Variants in ELMOD1 observed in about 807,000 individuals in gnomAD.
ELMOD1 encodes the protein ELMO domain containing 1.
ELMOD1 carries 21 observed loss-of-function variants against 46.7 expected under a neutral mutation model. The observed-to-expected ratio is 0.45, with a 90% CI of 0.32 to 0.65. The LOEUF is 0.65. ELMOD1 is among the 30% of genes least tolerant of loss of function. ELMOD1 has a pLI of 0.04. For missense variants in ELMOD1, 348 were observed against 407.8 expected (o/e 0.85, Z 1.26); for synonymous variants, 122 against 138.2 (o/e 0.88, Z 0.82).
rs558465894 is a variant in ELMOD1, at chr11:107,641,868, A to G, written c.421-5600A>G. 2.0e-5 allele frequency among the ~76,000 whole-genome samples: 3 copies of G among 151,970 alleles called. No individual in the cohort carries two copies. In the South Asian group the frequency reaches 6.2e-4, roughly 32 times the overall value. Reference sequence around the variant, plus strand: ...AACTATGTACTACAGAACTTACAATATCTAAACTCAGAGGTAAAATCAAAG... The same window carrying G: ...AACTATGTACTACAGAACTTACAATGTCTAAACTCAGAGGTAAAATCAAAG... On this transcript the variant is annotated intron_variant, in intron 6 of 11. Coordinates refer to ENST00000265840, the MANE Select transcript of ELMOD1 (RefSeq NM_018712.4).
Position 107,658,224 on chromosome 11 carries a change from C to CT in ELMOD1, c.832+2166dup, listed in dbSNP as rs559845361. Among the ~76,000 whole-genome samples, 612 of 151,950 alleles carry CT rather than the reference C, an allele frequency of 4.0e-3. 2 individuals are homozygous for CT. Among genetic ancestry groups the CT allele is most frequent in the African/African-American group, 0.013 (551 of 41,448 alleles). ...AAGCAGGAATTAGGGCAGGAGACTG[C>CT]TTTTTTTTGTTTTGGGGGTTTTTTT... On this transcript the variant is annotated intron_variant, in intron 11 of 11. Transcript: ENST00000265840.
At chr11:107,620,923 A>G (rs1286972144) in intron 2 of ELMOD1, among the ~76,000 whole-genome samples, 1 of 152,196 alleles carries the variant, frequency 6.6e-6, no homozygotes, top group African/African-American at 2.4e-5. Flanking sequence ...ATAACAAAAC[A>G]TATCTACATG....
At chr11:107,650,450 A>G (rs1437186906) in intron 8 of ELMOD1, 47 bp downstream of exon 8, 2 of 1,312,590 alleles carry the variant, frequency 1.5e-6, no homozygotes, top group African/African-American at 1.5e-5. Flanking sequence ...GGGTTAGATC[A>G]AATGAACTTC....
intron 2 of ELMOD1, among the ~76,000 whole-genome samples, chr11:107,629,710 C>G (rs1866103196): frequency 6.6e-6 from 1 of 152,176 alleles, no homozygotes; most frequent in South Asian, 2.1e-4. Context: ...GAACAAACTT[C>G]TCAAGAGGAG....
chr11:107,612,019 A>G (rs1451410978), intron 1 of ELMOD1, among the ~76,000 whole-genome samples: 1 of 152,232 alleles, frequency 6.6e-6, no homozygotes, highest in Non-Finnish European at 1.5e-5. Flanking sequence ...ACTGTTGGGT[A>G]TATATCCAAA....
At position 107,616,841 on chromosome 11, in the gene ELMOD1, C is replaced by G. The variant is rs572158131; in HGVS notation, c.-85-1264C>G. Among the ~76,000 whole-genome samples the G allele has an allele frequency of 3.3e-5, 5 of 152,290 alleles. No individual in the cohort carries two copies. The South Asian group carries it at 1.0e-3, about 32-fold the overall frequency. Reference sequence around the variant, plus strand: ...ATGCTTCAGGTTCACCTTGCCCTGACCCAGCTTTAGAATCAACCATTTCCC... The same window carrying G: ...ATGCTTCAGGTTCACCTTGCCCTGAGCCAGCTTTAGAATCAACCATTTCCC... On this transcript the variant is annotated intron_variant, in intron 1 of 11. Transcript: ENST00000265840.
chr11:107,645,575 C>T (rs139280033), intron 6 of ELMOD1, among the ~76,000 whole-genome samples: 4,519 of 149,944 alleles, frequency 0.03, 93 homozygotes, highest in South Asian at 0.077. Context: ...CCCACCTTTC[C>T]TGGCTTCCCA....
At chr11:107,654,729 A>G (rs1866594449) in intron 10 of ELMOD1, among the ~76,000 whole-genome samples, 1 of 149,646 alleles carries the variant, frequency 6.7e-6, no homozygotes, top group African/African-American at 2.5e-5. Context: ...AGATGGCGCC[A>G]CTGCACTCCA....
intron 4 of ELMOD1, 67 bp from the exon 5 acceptor site, chr11:107,631,513 T>C (rs967874398): frequency 2.2e-6 from 2 of 907,684 alleles, no homozygotes; most frequent in African/African-American, 3.5e-5. Flanking sequence ...GAAGCCTCTA[T>C]CCCAGTAGAT....
chr11:107,629,136 C>G (rs1866094161), intron 2 of ELMOD1, among the ~76,000 whole-genome samples: 1 of 152,148 alleles, frequency 6.6e-6, no homozygotes, highest in African/African-American at 2.4e-5. Flanking sequence ...AAACTCCATG[C>G]CTTTGTGCAA....
In ELMOD1 at chr11:107,627,854, T is replaced by C. The variant is rs80299665; in HGVS notation, c.18-2563T>C. Among the ~76,000 whole-genome samples the C allele has an allele frequency of 2.7e-3, 413 of 152,300 alleles. 5 individuals are homozygous for C. The highest frequency in any genetic ancestry group is 9.4e-3 in the African/African-American group (392 of 41,554). ...ACTGGATTATCTCATAGTTCTACTT[T>C]TGCTAGAGTTCTGCCACACAGACTT... On this transcript the variant is annotated intron_variant, in intron 2 of 11. Coordinates refer to ENST00000265840, the MANE Select transcript of ELMOD1 (RefSeq NM_018712.4).
At chr11:107,594,056 G>C (rs1428217052) in intron 1 of ELMOD1, among the ~76,000 whole-genome samples, 1 of 152,114 alleles carries the variant, frequency 6.6e-6, no homozygotes, top group Non-Finnish European at 1.5e-5. Flanking sequence ...GATGACATGG[G>C]GAAATGGGGC....
chr11:107,616,975 C>CA (rs1259154952), intron 1 of ELMOD1, among the ~76,000 whole-genome samples: 3 of 152,126 alleles, frequency 2.0e-5, no homozygotes, highest in Admixed American at 1.3e-4. Flanking sequence ...AGAAAAAACA[C>CA]AAAAGTACAA....
At chr11:107,635,350 A>G (rs902939775) in intron 5 of ELMOD1, among the ~76,000 whole-genome samples, 10 of 152,268 alleles carry the variant, frequency 6.6e-5, no homozygotes, top group Middle Eastern at 6.8e-3. Context: ...CCTGGCTTCA[A>G]GCAATCCTCC....
chr11:107,665,262 T>C lies in ELMOD1; in HGVS notation c.*65T>C. On this transcript the variant is annotated 3_prime_UTR_variant, in exon 12 of 12. Transcript: ENST00000265840. ...CTCATTGTCTTGTTAGATCTCTGCTTAGGTCGCAGCTCACGCATTGAATGC... is the reference window on the plus strand; with the variant it reads ...CTCATTGTCTTGTTAGATCTCTGCTCAGGTCGCAGCTCACGCATTGAATGC... The C allele has an allele frequency of 3.9e-6, 6 of 1,533,402 alleles. No individual in the cohort carries two copies. The South Asian group carries it at 7.3e-5, about 19-fold the overall frequency. 95.0% of individuals were successfully genotyped at this position (1,533,402 alleles called of 1,614,324 possible). A position where few individuals can be genotyped will look rare whatever the true frequency, so the allele number is the denominator to read the frequency against.
rs117834359 is a variant in ELMOD1, at chr11:107,664,591, C to T, written c.833-434C>T. On this transcript the variant is annotated intron_variant, in intron 11 of 11. Transcript: ENST00000265840. ...GTCAGAATGCATTTGTTTGATTTGT[C>T]GGGGTAATTTAAAACTTTAGTTACA... Among the ~76,000 whole-genome samples the T allele has an allele frequency of 5.3e-3, 803 of 152,102 alleles. 8 individuals are homozygous for T. Among genetic ancestry groups the T allele is most frequent in the Non-Finnish European group, 8.4e-3 (570 of 68,004 alleles).
rs1002688619 is a variant in ELMOD1, at chr11:107,665,458, T to C, written c.*261T>C. ...TGATACCCAGGTATGGAGAGAGTTT[T>C]CTATTTTTTTAGACTTTTTTTCCTC... On this transcript the variant is annotated 3_prime_UTR_variant, in exon 12 of 12. Transcript: ENST00000265840. The C allele has an allele frequency of 2.9e-6, 1 of 342,676 alleles. No individual in the cohort carries two copies. Among genetic ancestry groups the C allele is most frequent in the Admixed American group, 4.4e-5 (1 of 22,502 alleles). The allele number at this position is 342,676 out of a possible 1,614,324, so 21.2% of individuals were successfully genotyped here.
At chr11:107,621,697 T>TGTG (rs1438879769) in intron 2 of ELMOD1, among the ~76,000 whole-genome samples, 3 of 152,242 alleles carry the variant, frequency 2.0e-5, no homozygotes, top group Non-Finnish European at 2.9e-5. Flanking sequence ...ACCCCATTAC[T>TGTG]GTGAGCCCAC....
intron 2 of ELMOD1, among the ~76,000 whole-genome samples, chr11:107,626,376 G>GAAA (rs111962841): frequency 0.04 from 2,697 of 66,730 alleles, 117 homozygotes; most frequent in African/African-American, 0.13. Flanking sequence ...ATGCAGTCAT[G>GAAA]AAAAAAAAAA....
Sources: allele counts gnomAD v4.1 joint callset (sites outside exome capture counted in the v4.1 genomes callset), GRCh38; gene constraint gnomAD v4.1.1; transcripts MANE v1.5; gene names NCBI Gene and HGNC (gene_info 2026-07-23, HGNC 2026-07-21).